Variants in IGF2BP3 observed in about 807,000 individuals in gnomAD.
IGF2BP3 encodes insulin like growth factor 2 mRNA binding protein 3.
Under a neutral mutation model 73.8 loss-of-function variants are expected in IGF2BP3, and 9 were observed. That is an observed-to-expected ratio of 0.12 (90% CI 0.07 to 0.21). The LOEUF (loss-of-function observed/expected upper bound fraction) is 0.21. IGF2BP3 is among the 10% of genes least tolerant of loss of function. The pLI is 1.00. For synonymous variants in IGF2BP3, 258 were observed against 256.7 expected, an observed-to-expected ratio of 1.01 and a Z score of -0.05; for missense variants, 542 against 714.0, an observed-to-expected ratio of 0.76 and a Z score of 2.75.
intron 2 of IGF2BP3, among the ~76,000 whole-genome samples, chr7:23,420,318 A>T (rs949275204): frequency 2.6e-5 from 4 of 152,022 alleles, no homozygotes; most frequent in Non-Finnish European, 5.9e-5. Flanking sequence ...TCTTTTTAAA[A>T]TTTTTTTAAA....
chr7:23,428,681 C>CCT (rs1250536087), intron 2 of IGF2BP3, among the ~76,000 whole-genome samples: 1 of 150,712 alleles, frequency 6.6e-6, no homozygotes, highest in Non-Finnish European at 1.5e-5. Flanking sequence ...TGCACTCCAG[C>CCT]CTCAGCAACA....
intron 10 of IGF2BP3, among the ~76,000 whole-genome samples, chr7:23,325,033 A>G (rs1454930836): frequency 2.0e-5 from 3 of 151,886 alleles, no homozygotes; most frequent in African/African-American, 7.3e-5. Context: ...GACCTCTCTC[A>G]CCACTCCTAC....
intron 2 of IGF2BP3, among the ~76,000 whole-genome samples, chr7:23,449,267 C>G (rs776283556): frequency 6.6e-6 from 1 of 152,014 alleles, no homozygotes; most frequent in Non-Finnish European, 1.5e-5. Flanking sequence ...CCTGAAATCC[C>G]AGCACTTTGG....
At chr7:23,391,336 ATGATCTGCCTGCCTCAGCC>A (rs1226067451) in intron 3 of IGF2BP3, among the ~76,000 whole-genome samples, 1 of 147,170 alleles carries the variant, frequency 6.8e-6, no homozygotes, top group Admixed American at 6.7e-5. Context: ...CCGACTTCAA[ATGATCTGCCTGCCTCAGCC>A]TCCCAAAGTG....
chr7:23,386,131 TG>T (rs1170202532), intron 3 of IGF2BP3, among the ~76,000 whole-genome samples: 1 of 152,174 alleles, frequency 6.6e-6, no homozygotes, highest in African/African-American at 2.4e-5. Context: ...GATAGGTACA[TG>T]GGGAGATTTA....
At chr7:23,334,231 G>A (rs925693385) in intron 10 of IGF2BP3, among the ~76,000 whole-genome samples, 1 of 152,150 alleles carries the variant, frequency 6.6e-6, no homozygotes, top group Non-Finnish European at 1.5e-5. Context: ...AGGAGGCTGA[G>A]GCAGGAGAAT....
intron 10 of IGF2BP3, among the ~76,000 whole-genome samples, chr7:23,330,574 G>C (rs995123236): frequency 6.6e-6 from 1 of 152,014 alleles, no homozygotes. Flanking sequence ...GAGACAGTCA[G>C]TTATTTTTAT....
chr7:23,346,197 G>T, intron 7 of IGF2BP3, 135 bp from the exon 8 acceptor site: 1 of 912,156 alleles, frequency 1.1e-6, no homozygotes, highest in Non-Finnish European at 1.6e-6. Flanking sequence ...CTTAAAACTT[G>T]CTGACAATTG....
chr7:23,466,078 G>T (rs1252115478), intron 2 of IGF2BP3, among the ~76,000 whole-genome samples: 7 of 150,740 alleles, frequency 4.6e-5, no homozygotes, highest in Admixed American at 4.6e-4. Context: ...CTGGAGTGAA[G>T]TGGCACGATG....
intron 2 of IGF2BP3, among the ~76,000 whole-genome samples, chr7:23,457,737 T>C (rs977060982): frequency 2.0e-5 from 3 of 152,214 alleles, no homozygotes; most frequent in Admixed American, 6.5e-5. Flanking sequence ...CTAGAAAATA[T>C]ATTCAGCAAC....
At chr7:23,376,931 T>C (rs1171671299) in intron 3 of IGF2BP3, among the ~76,000 whole-genome samples, 2 of 152,230 alleles carry the variant, frequency 1.3e-5, no homozygotes, top group Non-Finnish European at 2.9e-5. Context: ...TTCTGTTCAA[T>C]TGTCACTAAA....
Position 23,370,683 on chromosome 7 carries a change from G to GTTT in IGF2BP3, c.286-8945_286-8943dup, listed in dbSNP as rs547962107. Reference sequence around the variant, plus strand: ...TAGTTCTAGGTTTTTTGGTTTTTTTGTTTTTTTTTTTTAAGACAGAGTCTT... The same window carrying GTTT: ...TAGTTCTAGGTTTTTTGGTTTTTTTGTTTTTTTTTTTTTTTAAGACAGAGTCTT... On this transcript the variant is annotated intron_variant, in intron 3 of 14. Transcript: ENST00000258729. Among the ~76,000 whole-genome samples, 287 of 143,744 alleles carry GTTT rather than the reference G, an allele frequency of 2.0e-3. 1 individual carries two copies. Among genetic ancestry groups the GTTT allele is most frequent in the African/African-American group, 6.7e-3 (267 of 39,660 alleles). The allele number at this position is 143,744 out of a possible 152,430, so 94.3% of individuals were successfully genotyped here.
chr7:23,373,941 T>C (rs1408755981), intron 3 of IGF2BP3, among the ~76,000 whole-genome samples: 2 of 152,218 alleles, frequency 1.3e-5, no homozygotes, highest in Non-Finnish European at 2.9e-5. Context: ...CCATGTGACA[T>C]GCCCACTCCC....
Position 23,319,300 on chromosome 7 carries a change from T to C in IGF2BP3, c.1204-46A>G, listed in dbSNP as rs750410808. ...GACACCCATGTTTATTTGCTACAAATCAGGCTTTTGTTAACATTAGCTTTA... is the reference window on the plus strand; with the variant it reads ...GACACCCATGTTTATTTGCTACAAACCAGGCTTTTGTTAACATTAGCTTTA... On this transcript the variant is annotated intron_variant, in intron 10 of 14. Coordinates refer to ENST00000258729, the MANE Select transcript of IGF2BP3 (RefSeq NM_006547.3). 5 of 1,300,624 alleles carry C rather than the reference T, an allele frequency of 3.8e-6. No individual in the cohort carries two copies. In the South Asian group the frequency reaches 4.9e-5, roughly 13 times the overall value. 80.6% of individuals were successfully genotyped at this position (1,300,624 alleles called of 1,614,324 possible). A position where few individuals can be genotyped will look rare whatever the true frequency, so the allele number is the denominator to read the frequency against.
intron 3 of IGF2BP3, among the ~76,000 whole-genome samples, chr7:23,411,652 T>G (rs945512024): frequency 6.6e-6 from 1 of 152,178 alleles, no homozygotes; most frequent in African/African-American, 2.4e-5. Context: ...ATGGACCAAG[T>G]AGCACCTAAC....
chr7:23,319,351 G>A lies in IGF2BP3; in HGVS notation c.1204-97C>T. 4 of 727,184 alleles carry A rather than the reference G, an allele frequency of 5.5e-6. No individual in the cohort carries two copies. The South Asian group carries it at 7.3e-5, about 13-fold the overall frequency. 45.0% of individuals were successfully genotyped at this position (727,184 alleles called of 1,614,324 possible). On this transcript the variant is annotated intron_variant, in intron 10 of 14. Coordinates refer to ENST00000258729, the MANE Select transcript of IGF2BP3 (RefSeq NM_006547.3). Reference sequence around the variant, plus strand: ...GGAAGGACACCTTCTCATGCAGTAGGAATACCAGGAAAGTTTAAGGAAAAG... The same window carrying A: ...GGAAGGACACCTTCTCATGCAGTAGAAATACCAGGAAAGTTTAAGGAAAAG...
chr7:23,320,479 A>G (rs1294251462), intron 10 of IGF2BP3, among the ~76,000 whole-genome samples: 1 of 152,106 alleles, frequency 6.6e-6, no homozygotes, highest in Non-Finnish European at 1.5e-5. Context: ...ACAGTTCTAA[A>G]GTACAGAAGC....
chr7:23,324,929 A>G lies in IGF2BP3; in HGVS notation c.1204-5675T>C, dbSNP rs1784253323. On this transcript the variant is annotated intron_variant, in intron 10 of 14. Coordinates refer to ENST00000258729, the MANE Select transcript of IGF2BP3 (RefSeq NM_006547.3). ...TATTGATGGGACGTATCTCAAAATA[A>G]TAAGAGCTATCTATGACAAACCCAC... Among the ~76,000 whole-genome samples, 3 of 145,350 alleles carry G rather than the reference A, an allele frequency of 2.1e-5. No individual in the cohort carries two copies. In the South Asian group the frequency reaches 6.7e-4, roughly 32 times the overall value.
At position 23,311,354 on chromosome 7, in the gene IGF2BP3, AGGT is replaced by A. The variant is rs1355181287; in HGVS notation, c.*1005_*1007del. On this transcript the variant is annotated 3_prime_UTR_variant, in exon 15 of 15. Coordinates refer to ENST00000258729, the MANE Select transcript of IGF2BP3 (RefSeq NM_006547.3). ...ATCTCTTCACTGATGCACTTTCTTT[AGGT>A]ATTGATAGTCAGAAGCACAAAGCAT... The A allele has an allele frequency of 1.3e-5, 2 of 152,598 alleles. No individual in the cohort carries two copies. Among genetic ancestry groups the A allele is most frequent in the Non-Finnish European group, 2.9e-5 (2 of 68,036 alleles). 9.5% of individuals were successfully genotyped at this position (152,598 alleles called of 1,614,324 possible). A position where few individuals can be genotyped will look rare whatever the true frequency, so the allele number is the denominator to read the frequency against.
Sources: allele counts gnomAD v4.1 joint callset (sites outside exome capture counted in the v4.1 genomes callset), GRCh38; gene constraint gnomAD v4.1.1; transcripts MANE v1.5; gene names NCBI Gene and HGNC (gene_info 2026-07-23, HGNC 2026-07-21).